Variants in GAB3 observed in about 807,000 individuals in gnomAD.
The protein encoded by GAB3 is GRB2 associated binding protein 3, also known as GRB2-associated-binding protein 3.
GAB3 carries 12 observed loss-of-function variants against 40.4 expected under a neutral mutation model. The observed-to-expected ratio is 0.30, with a 90% CI of 0.19 to 0.48. GAB3 has a LOEUF of 0.48. GAB3 is among the 20% of genes least tolerant of loss of function. GAB3 has a pLI of 0.99. For missense variants in GAB3, 381 were observed against 461.9 expected (o/e 0.82, Z 1.61); for synonymous variants, 154 against 176.7 (o/e 0.87, Z 1.02).
At chrX:154,722,289 A>T (rs2071145832) in intron 1 of GAB3, among the ~76,000 whole-genome samples, 2 of 111,222 alleles carry the variant, frequency 1.8e-5, no homozygotes, top group South Asian at 3.8e-4. Context: ...GTTACCAGGG[A>T]CAAGATGGGA....
chrX:154,750,794 A>G (rs2071602338), intron 1 of GAB3, among the ~76,000 whole-genome samples, 160 bp downstream of exon 1: 1 of 111,225 alleles, frequency 9.0e-6, no homozygotes, highest in African/African-American at 3.3e-5. Context: ...AGCTGGCTCG[A>G]CGTGCGATTT....
chrX:154,694,411 G>T (rs1308176657), intron 8 of GAB3, among the ~76,000 whole-genome samples: 1 of 105,873 alleles, frequency 9.4e-6, no homozygotes, highest in Non-Finnish European at 1.9e-5. Context: ...TTTTGAGACA[G>T]AGTCTGGCTC....
chrX:154,692,737 G>A (rs1557249760), intron 8 of GAB3, among the ~76,000 whole-genome samples: 1 of 111,684 alleles, frequency 9.0e-6, no homozygotes, highest in African/African-American at 3.3e-5. Flanking sequence ...GCAGTGAGCC[G>A]AGCTTGCGCC....
intron 1 of GAB3, among the ~76,000 whole-genome samples, chrX:154,742,668 T>C (rs1475858541): frequency 1.8e-5 from 2 of 111,354 alleles, no homozygotes; most frequent in Non-Finnish European, 3.8e-5. Flanking sequence ...CTACTTTAAA[T>C]GAATTTCAGA....
At chrX:154,716,524 G>T (rs1248890659) in intron 1 of GAB3, among the ~76,000 whole-genome samples, 195 bp from the exon 2 acceptor site, 1 of 112,898 alleles carries the variant, frequency 8.9e-6, no homozygotes, top group African/African-American at 3.2e-5. Flanking sequence ...GACGGGTCAG[G>T]ATTGGAGAGT....
At chrX:154,684,144 T>C (rs1375429768) in intron 8 of GAB3, among the ~76,000 whole-genome samples, 1 of 112,238 alleles carries the variant, frequency 8.9e-6, no homozygotes, top group Non-Finnish European at 1.9e-5. Context: ...CATCCACCAG[T>C]AACATTGGCC....
Position 154,677,300 on chromosome X carries a change from C to T in GAB3, c.*878G>A, listed in dbSNP as rs1312596387. The T allele has an allele frequency of 4.5e-5, 5 of 111,840 alleles. No homozygotes were observed. The Admixed American group carries it at 4.7e-4, about 11-fold the overall frequency. The allele number at this position is 111,840 out of a possible 1,213,427, so 9.2% of individuals were successfully genotyped here. A position where few individuals can be genotyped will look rare whatever the true frequency, so the allele number is the denominator to read the frequency against. On this transcript the variant is annotated 3_prime_UTR_variant, in exon 10 of 10. Transcript: ENST00000424127. ...GTGTCTGCAGGTGTTTCCCACATGTCTCCAAGGCTCACCCAATTAATCCAT... is the reference window on the plus strand; with the variant it reads ...GTGTCTGCAGGTGTTTCCCACATGTTTCCAAGGCTCACCCAATTAATCCAT...
intron 1 of GAB3, among the ~76,000 whole-genome samples, chrX:154,732,382 C>CTT (rs782786152): frequency 8.9e-6 from 1 of 111,787 alleles, no homozygotes; most frequent in East Asian, 2.8e-4. Context: ...TGAAGAAAGT[C>CTT]TTTCTCAAAT....
At chrX:154,684,950 CA>C (rs1394473143) in intron 8 of GAB3, among the ~76,000 whole-genome samples, 1 of 111,520 alleles carries the variant, frequency 9.0e-6, no homozygotes, top group Non-Finnish European at 1.9e-5. Context: ...TTCTATCTTC[CA>C]TGTCCCAAAT....
intron 8 of GAB3, among the ~76,000 whole-genome samples, chrX:154,687,522 T>C (rs1333081682): frequency 9.5e-6 from 1 of 105,642 alleles, no homozygotes; most frequent in African/African-American, 3.5e-5. Flanking sequence ...TAGTCCCAGC[T>C]ACTCAGGAAG....
intron 8 of GAB3, among the ~76,000 whole-genome samples, chrX:154,681,787 G>T (rs2070377442): frequency 9.0e-6 from 1 of 111,651 alleles, no homozygotes; most frequent in African/African-American, 3.3e-5. Context: ...CACTTGAATG[G>T]ATTTTAATAT....
At chrX:154,719,331 C>T (rs190287537) in intron 1 of GAB3, among the ~76,000 whole-genome samples, 31 of 112,180 alleles carry the variant, frequency 2.8e-4, no homozygotes, top group African/African-American at 7.5e-4. Flanking sequence ...GATAAACAGA[C>T]GATTGCAATC....
At chrX:154,715,934 A>T (rs2071038680) in intron 2 of GAB3, 92 bp downstream of exon 2, 1 of 847,335 alleles carries the variant, frequency 1.2e-6, no homozygotes, top group African/African-American at 2.0e-5. Context: ...ACCCTCAAGG[A>T]GGCAGGCTTG....
chrX:154,743,179 A>G (rs1362320872), intron 1 of GAB3, among the ~76,000 whole-genome samples: 1 of 110,339 alleles, frequency 9.1e-6, no homozygotes, highest in Non-Finnish European at 1.9e-5. Context: ...ATAAAGTGAC[A>G]TCTTTAAGGT....
At chrX:154,699,862 A>G (rs2070714816) in intron 5 of GAB3, 142 bp downstream of exon 5, 1 of 531,826 alleles carries the variant, frequency 1.9e-6, no homozygotes, top group South Asian at 2.9e-5. Context: ...GTAGTTCCCA[A>G]GCAAGTTCAA....
At chrX:154,712,022 A>C (rs782747033) in intron 4 of GAB3, among the ~76,000 whole-genome samples, 2 of 112,606 alleles carry the variant, frequency 1.8e-5, no homozygotes, top group South Asian at 7.4e-4. Context: ...CAGCCCCATT[A>C]GAAGATCAGG....
chrX:154,678,427 TGC>T, intron 9 of GAB3, 133 bp from the exon 10 acceptor site: 1 of 451,965 alleles, frequency 2.2e-6, no homozygotes, highest in Non-Finnish European at 3.9e-6. Flanking sequence ...TTTGTATGTG[TGC>T]TTGTGTGTGT....
chrX:154,728,610 T>C (rs1428871611), intron 1 of GAB3, among the ~76,000 whole-genome samples: 2 of 112,318 alleles, frequency 1.8e-5, no homozygotes, highest in East Asian at 5.6e-4. Context: ...ACGTTGGAGA[T>C]GGAACTAGCT....
chrX:154,707,646 T>C (rs887319401), intron 4 of GAB3, among the ~76,000 whole-genome samples: 7 of 112,026 alleles, frequency 6.2e-5, no homozygotes, highest in Non-Finnish European at 1.1e-4. Flanking sequence ...TCAGGAATGA[T>C]ACAAGGATCC....
Sources: allele counts gnomAD v4.1 joint callset (sites outside exome capture counted in the v4.1 genomes callset), GRCh38; gene constraint gnomAD v4.1.1; transcripts MANE v1.5; gene names NCBI Gene and HGNC (gene_info 2026-07-23, HGNC 2026-07-21).